MERTK: variants seen among roughly 807,000 people sequenced by gnomAD.
MERTK encodes the protein tyrosine-protein kinase Mer.
MERTK carries 69 observed loss-of-function variants against 99.3 expected under a neutral mutation model. That is an observed-to-expected ratio of 0.70 (90% CI 0.57 to 0.85). The LOEUF (loss-of-function observed/expected upper bound fraction) is 0.85. Among genes scored for constraint, MERTK ranks in the 40% least tolerant of loss-of-function variants. The pLI is 0.00. For missense variants in MERTK, 1,125 were observed against 1,249.4 expected (o/e 0.90, Z 1.50); for synonymous variants, 426 against 467.6 (o/e 0.91, Z 1.15).
chr2:112,014,239 T>C (rs1428139742), intron 15 of MERTK, among the ~76,000 whole-genome samples: 2 of 152,082 alleles, frequency 1.3e-5, no homozygotes, highest in African/African-American at 4.8e-5. Context: ...GCCAGGATGG[T>C]CTCGATCTCC....
intron 7 of MERTK, among the ~76,000 whole-genome samples, chr2:111,978,736 G>T (rs987202339): frequency 6.6e-6 from 1 of 152,118 alleles, no homozygotes; most frequent in African/African-American, 2.4e-5. Flanking sequence ...TTCTTTGCAC[G>T]CCTGATAATG....
chr2:112,020,708 A>C, intron 16 of MERTK: 1 of 471,052 alleles, frequency 2.1e-6, no homozygotes, highest in Non-Finnish European at 4.4e-6. Flanking sequence ...CCTCAGGGCC[A>C]GTGCTGCTTC....
intron 15 of MERTK, among the ~76,000 whole-genome samples, chr2:112,013,067 G>A (rs1348631500): frequency 1.3e-5 from 2 of 151,750 alleles, no homozygotes; most frequent in East Asian, 1.9e-4. Flanking sequence ...TCTTCCTAGG[G>A]ACAGCTTAAG....
chr2:111,917,901 C>T (rs1175000716), intron 1 of MERTK, among the ~76,000 whole-genome samples: 1 of 147,180 alleles, frequency 6.8e-6, no homozygotes, highest in African/African-American at 2.5e-5. Flanking sequence ...AAAAAAAATG[C>T]CAAAAGACAC....
intron 18 of MERTK, chr2:112,022,595 G>A (rs1248427015): frequency 6.0e-6 from 5 of 834,936 alleles, no homozygotes; most frequent in Non-Finnish European, 8.3e-6. Context: ...TCTCCAGTGA[G>A]CCCACTGAGG....
intron 11 of MERTK, among the ~76,000 whole-genome samples, chr2:112,002,821 A>G (rs1398907266): frequency 6.6e-6 from 1 of 152,064 alleles, no homozygotes; most frequent in Non-Finnish European, 1.5e-5. Context: ...GAAAATACAT[A>G]AATTAGCTGG....
At chr2:111,946,227 C>T (rs989308904) in intron 3 of MERTK, among the ~76,000 whole-genome samples, 2 of 152,008 alleles carry the variant, frequency 1.3e-5, no homozygotes, top group African/African-American at 2.4e-5. Context: ...AGGGGGTTTC[C>T]TACATTTGCA....
intron 2 of MERTK, among the ~76,000 whole-genome samples, chr2:111,940,124 T>C: frequency 6.6e-6 from 1 of 151,984 alleles, no homozygotes. Flanking sequence ...TTTTTTCTAC[T>C]TTCCTAAACT....
chr2:111,932,202 G>T, intron 2 of MERTK, among the ~76,000 whole-genome samples: 1 of 152,090 alleles, frequency 6.6e-6, no homozygotes. Flanking sequence ...TCTTTTTTGA[G>T]ACGGAGTCTT....
chr2:111,969,689 C>CTTTTT (rs35055243), intron 6 of MERTK, among the ~76,000 whole-genome samples: 6 of 119,164 alleles, frequency 5.0e-5, no homozygotes, highest in South Asian at 5.3e-4. Context: ...TCCAGCCTTT[C>CTTTTT]TTTTTTTTTT....
chr2:112,014,520 T>C (rs1328525634), intron 15 of MERTK, among the ~76,000 whole-genome samples: 1 of 144,718 alleles, frequency 6.9e-6, no homozygotes, highest in Non-Finnish European at 1.5e-5. Flanking sequence ...TTCATGTTAT[T>C]GTACAAGAGT....
intron 18 of MERTK, among the ~76,000 whole-genome samples, chr2:112,025,370 C>G (rs76316191): frequency 2.0e-5 from 3 of 152,168 alleles, no homozygotes; most frequent in African/African-American, 7.2e-5. Context: ...CCTGACCAGC[C>G]TAGCATTGCC....
At chr2:111,920,573 T>TC (rs1684437615) in intron 1 of MERTK, among the ~76,000 whole-genome samples, 1 of 151,162 alleles carries the variant, frequency 6.6e-6, no homozygotes, top group African/African-American at 2.5e-5. Context: ...TTTTTTTTTT[T>TC]CTTTTTCTTC....
In MERTK at chr2:111,898,658, T is replaced by C; in HGVS notation, c.-78T>C. 1.3e-6 allele frequency: 2 copies of C among 1,525,224 alleles called. No homozygotes were observed. The highest frequency in any genetic ancestry group is 2.4e-5 in the East Asian group (1 of 41,402). The allele number at this position is 1,525,224 out of a possible 1,614,324, so 94.5% of individuals were successfully genotyped here. A position where few individuals can be genotyped will look rare whatever the true frequency, so the allele number is the denominator to read the frequency against. ...CGGACAGGGAGCTTCGCTGGCGCGC[T>C]TGGCCGGCGACAGGACAGGTTCGGG... On this transcript the variant is annotated 5_prime_UTR_variant, in exon 1 of 19. Coordinates refer to ENST00000295408, the MANE Select transcript of MERTK (RefSeq NM_006343.3).
intron 4 of MERTK, among the ~76,000 whole-genome samples, chr2:111,963,057 A>C (rs140339224): frequency 2.0e-5 from 3 of 152,160 alleles, no homozygotes; most frequent in African/African-American, 7.2e-5. Context: ...GGGATGTGGC[A>C]GGGTCATAGG....
chr2:111,901,694 C>T (rs955551199), intron 1 of MERTK, among the ~76,000 whole-genome samples: 2 of 151,058 alleles, frequency 1.3e-5, no homozygotes, highest in African/African-American at 4.9e-5. Context: ...TAGCTATGAC[C>T]ACAGGCACAT....
At chr2:111,936,944 C>T (rs1455006025) in intron 2 of MERTK, among the ~76,000 whole-genome samples, 1 of 152,108 alleles carries the variant, frequency 6.6e-6, no homozygotes, top group Admixed American at 6.5e-5. Flanking sequence ...CGCAACACTC[C>T]AGAAGGGCAG....
At chr2:111,916,931 T>C (rs1208408159) in intron 1 of MERTK, among the ~76,000 whole-genome samples, 36 of 152,086 alleles carry the variant, frequency 2.4e-4, no homozygotes, top group Non-Finnish European at 2.9e-5. Context: ...TGTGGGGATA[T>C]CTTCATTACT....
At chr2:111,956,094 G>A (rs13020353) in intron 4 of MERTK, among the ~76,000 whole-genome samples, 31,851 of 151,690 alleles carry the variant, frequency 0.21, 4,007 homozygotes, top group Middle Eastern at 0.36. Context: ...TTGTGCACAT[G>A]TACCCTAGAA....
Sources: gnomAD v4.1 joint callset for allele counts (sites outside exome capture counted in the v4.1 genomes callset) on GRCh38, gnomAD v4.1.1 for gene constraint, MANE v1.5 for transcripts, NCBI Gene and HGNC (gene_info 2026-07-23, HGNC 2026-07-21) for gene names.